The following MACROD2 variants were observed in gnomAD, a reference collection of about 807,000 sequenced individuals.
MACROD2 encodes the protein mono-ADP ribosylhydrolase 2.
MACROD2 carries 36 observed loss-of-function variants against 70.4 expected under a neutral mutation model. The ratio of observed to expected loss-of-function variants is 0.51; its 90% confidence interval spans 0.39 to 0.68. MACROD2 has a LOEUF of 0.68. Ranked by LOEUF, MACROD2 falls within the 30% of genes least tolerant of loss-of-function variation. The pLI is 0.00. For synonymous variants in MACROD2, 172 were observed against 178.8 expected (o/e 0.96, Z 0.30); for missense variants, 496 against 538.4 (o/e 0.92, Z 0.78).
At chr20:15,004,104 G>A (rs533161564) in intron 5 of MACROD2, among the ~76,000 whole-genome samples, 16 of 152,210 alleles carry the variant, frequency 1.1e-4, no homozygotes, top group Non-Finnish European at 2.1e-4. Flanking sequence ...AGGCCTAACC[G>A]GGGAGCTTTG....
At chr20:15,576,217 A>G (rs1481317230) in intron 8 of MACROD2, among the ~76,000 whole-genome samples, 1 of 152,142 alleles carries the variant, frequency 6.6e-6, no homozygotes. Flanking sequence ...ACCTTACAAG[A>G]GATTCAGAAC....
At chr20:14,514,806 T>A (rs967485341) in intron 4 of MACROD2, among the ~76,000 whole-genome samples, 2 of 152,114 alleles carry the variant, frequency 1.3e-5, no homozygotes, top group African/African-American at 4.8e-5. Flanking sequence ...TTCCTCTTAG[T>A]GACTATAAAA....
At chr20:15,854,026 C>T (rs139506794) in intron 8 of MACROD2, among the ~76,000 whole-genome samples, 90 of 152,240 alleles carry the variant, frequency 5.9e-4, no homozygotes, top group African/African-American at 2.1e-3. Context: ...TCAAAACAGC[C>T]TCCAAGATGC....
chr20:14,231,040 C>G (rs1245800004), intron 3 of MACROD2, among the ~76,000 whole-genome samples: 5 of 150,610 alleles, frequency 3.3e-5, no homozygotes, highest in African/African-American at 1.2e-4. Flanking sequence ...TTAAAATATT[C>G]AGTAGACCAT....
At chr20:15,509,297 C>T (rs2047468705) in intron 8 of MACROD2, among the ~76,000 whole-genome samples, 1 of 152,118 alleles carries the variant, frequency 6.6e-6, no homozygotes, top group African/African-American at 2.4e-5. Flanking sequence ...GTATTTTTCT[C>T]CTTCTTTCCT....
chr20:15,918,235 G>T (rs753467198), intron 10 of MACROD2, among the ~76,000 whole-genome samples: 10 of 152,020 alleles, frequency 6.6e-5, no homozygotes, highest in Non-Finnish European at 1.0e-4. Context: ...ACTTTGAAGG[G>T]TCATATTTTA....
intron 15 of MACROD2, among the ~76,000 whole-genome samples, chr20:16,018,732 A>T (rs1290782788): frequency 1.3e-5 from 2 of 152,112 alleles, no homozygotes; most frequent in Non-Finnish European, 2.9e-5. Flanking sequence ...GCATTATACA[A>T]ATCTTTTTTT....
chr20:14,482,298 T>C (rs1264833932), intron 3 of MACROD2, among the ~76,000 whole-genome samples: 1 of 151,968 alleles, frequency 6.6e-6, no homozygotes, highest in Non-Finnish European at 1.5e-5. Flanking sequence ...ATATGTTCCA[T>C]TGAATTTTCA....
At chr20:14,437,824 A>C (rs2084074992) in intron 3 of MACROD2, among the ~76,000 whole-genome samples, 2 of 152,114 alleles carry the variant, frequency 1.3e-5, no homozygotes, top group Admixed American at 1.3e-4. Context: ...TTTTTAAATA[A>C]ATTCTCTTGT....
chr20:14,787,118 C>T (rs1017063500), intron 5 of MACROD2, among the ~76,000 whole-genome samples: 2 of 152,048 alleles, frequency 1.3e-5, no homozygotes, highest in Non-Finnish European at 2.9e-5. Flanking sequence ...TTTGATCTGT[C>T]ATGTACAATA....
intron 6 of MACROD2, among the ~76,000 whole-genome samples, chr20:15,340,110 T>TTTTC (rs1300054535): frequency 3.0e-4 from 33 of 108,466 alleles, no homozygotes; most frequent in Admixed American, 4.6e-4. Context: ...TCTTTTTCTT[T>TTTTC]TTTCTTTCTT....
intron 3 of MACROD2, among the ~76,000 whole-genome samples, chr20:14,273,005 T>C (rs1355636555): frequency 1.3e-5 from 2 of 151,230 alleles, no homozygotes; most frequent in African/African-American, 4.9e-5. Flanking sequence ...AAGTCCTGAG[T>C]GACCTACAAA....
chr20:15,593,894 A>T (rs1481207350), intron 8 of MACROD2, among the ~76,000 whole-genome samples: 3 of 152,202 alleles, frequency 2.0e-5, no homozygotes, highest in Non-Finnish European at 4.4e-5. Context: ...CCACTTATTG[A>T]TGCTGTGTAT....
intron 5 of MACROD2, among the ~76,000 whole-genome samples, chr20:15,023,505 C>T (rs1370512319): frequency 1.3e-5 from 2 of 152,144 alleles, no homozygotes; most frequent in East Asian, 3.9e-4. Flanking sequence ...AGTCTGTTCT[C>T]ACACTGCTAA....
intron 5 of MACROD2, among the ~76,000 whole-genome samples, chr20:15,223,730 G>A (rs1245305587): frequency 6.6e-6 from 1 of 152,064 alleles, no homozygotes; most frequent in African/African-American, 2.4e-5. Flanking sequence ...AAAATAAAGC[G>A]CCAACTGTCT....
At chr20:15,166,900 T>G (rs1568612706) in intron 5 of MACROD2, among the ~76,000 whole-genome samples, 1 of 150,224 alleles carries the variant, frequency 6.7e-6, no homozygotes, top group African/African-American at 2.4e-5. Flanking sequence ...TATTAAGTAT[T>G]AATTTAAGTA....
At chr20:15,320,918 G>A (rs1362925658) in intron 6 of MACROD2, among the ~76,000 whole-genome samples, 1 of 152,222 alleles carries the variant, frequency 6.6e-6, no homozygotes, top group Non-Finnish European at 1.5e-5. Flanking sequence ...GCTGAGACAT[G>A]TAGACTGTGT....
At chr20:14,459,790 T>C (rs1407139438) in intron 3 of MACROD2, among the ~76,000 whole-genome samples, 2 of 152,128 alleles carry the variant, frequency 1.3e-5, no homozygotes, top group Non-Finnish European at 2.9e-5. Context: ...GTTTGTTACA[T>C]AGGTATCCAC....
intron 15 of MACROD2, 68 bp downstream of exon 15, chr20:15,987,226 C>A: frequency 1.6e-6 from 2 of 1,267,596 alleles, no homozygotes; most frequent in Non-Finnish European, 2.2e-6. Context: ...TAGAATTCAA[C>A]CATCAAAGTT....
Sources: allele counts gnomAD v4.1 joint callset (sites outside exome capture counted in the v4.1 genomes callset), GRCh38; gene constraint gnomAD v4.1.1; transcripts MANE v1.5; gene names NCBI Gene and HGNC (gene_info 2026-07-23, HGNC 2026-07-21).